GPHN: variants seen among roughly 807,000 people sequenced by gnomAD.
The protein encoded by GPHN is gephyrin.
Under a neutral mutation model 95.5 loss-of-function variants are expected in GPHN, and 17 were observed. The observed-to-expected ratio is 0.18, with a 90% CI of 0.12 to 0.27. The LOEUF (loss-of-function observed/expected upper bound fraction) is 0.27, where lower values mean the gene tolerates loss of function less well. Among genes scored for constraint, GPHN ranks in the 10% least tolerant of loss-of-function variants. The probability of loss-of-function intolerance (pLI) is 1.00; values close to 1 mark genes in which losing one functional copy is unlikely to be tolerated. For missense variants in GPHN, 660 were observed against 978.1 expected (o/e 0.67, Z 4.34); for synonymous variants, 320 against 322.5 (o/e 0.99, Z 0.08).
At chr14:67,226,966 T>C in the GPHN span, among the ~76,000 whole-genome samples, 1 of 152,180 alleles carries the variant, frequency 6.6e-6, no homozygotes, top group East Asian at 1.9e-4. Context: ...TTCAATATAA[T>C]ATAGAATTTA....
At chr14:66,797,021 C>CTTTTTTTTTTTTTTTTTTTTT (rs369681377) in intron 3 of GPHN, among the ~76,000 whole-genome samples, 29 of 81,216 alleles carry the variant, frequency 3.6e-4, no homozygotes, top group Non-Finnish European at 4.9e-4. Flanking sequence ...TATCTAGTTC[C>CTTTTTTTTTTTTTTTTTTTTT]TTTTTTTTTT....
chr14:67,306,718 C>A, the GPHN span, among the ~76,000 whole-genome samples: 1 of 152,030 alleles, frequency 6.6e-6, no homozygotes, highest in Admixed American at 6.6e-5. Flanking sequence ...ATATATCTTG[C>A]CAAGTTTTGT....
chr14:66,852,307 T>C (rs1470087387), intron 4 of GPHN, among the ~76,000 whole-genome samples: 1 of 152,240 alleles, frequency 6.6e-6, no homozygotes, highest in African/African-American at 2.4e-5. Context: ...CTTTCTCTTT[T>C]GTTGTTTCAG....
the GPHN span, among the ~76,000 whole-genome samples, chr14:67,489,354 C>T: frequency 6.6e-6 from 1 of 152,238 alleles, no homozygotes; most frequent in Non-Finnish European, 1.5e-5. Context: ...CCTTAAGGCA[C>T]ATGTCTGCAT....
chr14:66,677,072 G>C (rs2066643927), intron 1 of GPHN, among the ~76,000 whole-genome samples: 1 of 151,970 alleles, frequency 6.6e-6, no homozygotes, highest in Non-Finnish European at 1.5e-5. Flanking sequence ...ATTTCTTAGT[G>C]TGCAGTTGTT....
chr14:66,959,736 G>C (rs934218439), intron 8 of GPHN, among the ~76,000 whole-genome samples: 1 of 151,666 alleles, frequency 6.6e-6, no homozygotes, highest in Non-Finnish European at 1.5e-5. Context: ...ATCCTGCTTG[G>C]GATTGTTGAA....
the GPHN span, among the ~76,000 whole-genome samples, chr14:67,425,871 G>T: frequency 1.3e-5 from 2 of 151,878 alleles, no homozygotes; most frequent in Non-Finnish European, 2.9e-5. Flanking sequence ...GATCCTGTGG[G>T]CTCCCTCCCT....
At chr14:67,528,965 T>C in the GPHN span, among the ~76,000 whole-genome samples, 4 of 152,266 alleles carry the variant, frequency 2.6e-5, no homozygotes, top group East Asian at 7.7e-4. Flanking sequence ...ACCTCCTCAT[T>C]GGAATCCTTC....
chr14:66,593,194 T>A (rs1168674185), intron 1 of GPHN, among the ~76,000 whole-genome samples: 1 of 151,994 alleles, frequency 6.6e-6, no homozygotes, highest in Non-Finnish European at 1.5e-5. Context: ...AAATACCTAA[T>A]GTAGATGACA....
chr14:67,034,937 T>C (rs2153632620), intron 10 of GPHN, among the ~76,000 whole-genome samples: 1 of 152,176 alleles, frequency 6.6e-6, no homozygotes. Flanking sequence ...TCTAACAGAA[T>C]ATTCCACCCA....
At chr14:66,657,331 A>G (rs1276714714) in intron 1 of GPHN, among the ~76,000 whole-genome samples, 3 of 152,234 alleles carry the variant, frequency 2.0e-5, no homozygotes, top group Non-Finnish European at 4.4e-5. Context: ...TCTGTAACAT[A>G]AAAGTACAAG....
the GPHN span, among the ~76,000 whole-genome samples, chr14:67,682,707 AAC>A: frequency 1.2e-4 from 19 of 152,358 alleles, no homozygotes; most frequent in African/African-American, 3.1e-4. Context: ...TCAGCAGTTA[AAC>A]ACAGTTACCA....
chr14:67,439,586 T>TTC, the GPHN span, among the ~76,000 whole-genome samples: 3 of 139,536 alleles, frequency 2.1e-5, no homozygotes, highest in African/African-American at 8.7e-5. Flanking sequence ...TCTTTCTTTC[T>TTC]TTCTTTCTTC....
chr14:66,508,833 G>A (rs2057902973), intron 1 of GPHN, among the ~76,000 whole-genome samples: 1 of 152,164 alleles, frequency 6.6e-6, no homozygotes, highest in South Asian at 2.1e-4. Context: ...CAGCGCCTTC[G>A]GAAGCAAAGT....
chr14:67,713,962 T>C, the GPHN span, among the ~76,000 whole-genome samples: 4 of 152,158 alleles, frequency 2.6e-5, no homozygotes, highest in Admixed American at 2.6e-4. Context: ...TTTATCTTAA[T>C]GAGGAGAGGT....
the GPHN span, chr14:67,685,163 G>A: frequency 1.2e-6 from 2 of 1,614,158 alleles, no homozygotes; most frequent in Non-Finnish European, 1.7e-6. Context: ...AGTTCAGATT[G>A]GACTGTGCCA....
intron 8 of GPHN, among the ~76,000 whole-genome samples, chr14:66,956,308 T>C (rs1217497717): frequency 1.3e-5 from 2 of 152,230 alleles, no homozygotes; most frequent in African/African-American, 4.8e-5. Context: ...TCAAATTATT[T>C]TCTTATTTCC....
chr14:66,837,428 A>G (rs1223632865), intron 4 of GPHN, among the ~76,000 whole-genome samples: 2 of 110,092 alleles, frequency 1.8e-5, no homozygotes, highest in Non-Finnish European at 3.4e-5. Context: ...GGAACATCAC[A>G]CTCTGGGGAC....
At chr14:67,280,533 G>A in the GPHN span, among the ~76,000 whole-genome samples, 15 of 152,188 alleles carry the variant, frequency 9.9e-5, no homozygotes, top group East Asian at 2.7e-3. Context: ...TCTCCATTTT[G>A]GAGATAAAGA....
Sources: allele counts gnomAD v4.1 joint callset (sites outside exome capture counted in the v4.1 genomes callset), GRCh38; gene constraint gnomAD v4.1.1; transcripts MANE v1.5; gene names NCBI Gene and HGNC (gene_info 2026-07-23, HGNC 2026-07-21).